Variants in TMEM132B observed in about 807,000 individuals in gnomAD.
TMEM132B encodes transmembrane protein 132B.
Under a neutral mutation model 90.8 loss-of-function variants are expected in TMEM132B, and 18 were observed. That is an observed-to-expected ratio of 0.20 (90% confidence interval 0.14 to 0.29). The LOEUF (loss-of-function observed/expected upper bound fraction) is 0.29. TMEM132B is among the 10% of genes least tolerant of loss of function. The probability of loss-of-function intolerance (pLI) is 1.00; values close to 1 mark genes in which losing one functional copy is unlikely to be tolerated. For synonymous variants in TMEM132B, 504 were observed against 523.3 expected, an observed-to-expected ratio of 0.96 and a Z score of 0.50; for missense variants, 1,096 against 1,326.8, an observed-to-expected ratio of 0.83 and a Z score of 2.70.
chr12:125,637,224 T>A (rs1197250422), intron 5 of TMEM132B, among the ~76,000 whole-genome samples: 1 of 152,208 alleles, frequency 6.6e-6, no homozygotes. Context: ...CCGATTTTTA[T>A]CAGAGAATAA....
At chr12:125,542,473 G>A (rs1414279491) in intron 4 of TMEM132B, among the ~76,000 whole-genome samples, 1 of 152,182 alleles carries the variant, frequency 6.6e-6, no homozygotes, top group Non-Finnish European at 1.5e-5. Flanking sequence ...AACTCAAACT[G>A]TGTACCCATT....
chr12:125,216,088 C>T (rs149166535), intron 1 of TMEM132B, among the ~76,000 whole-genome samples: 271 of 152,328 alleles, frequency 1.8e-3, no homozygotes, highest in Middle Eastern at 3.4e-3. Flanking sequence ...ATTCCATCTG[C>T]CTCCTGTATT....
intron 3 of TMEM132B, among the ~76,000 whole-genome samples, chr12:125,425,585 C>T (rs547683753): frequency 5.3e-5 from 8 of 152,176 alleles, no homozygotes; most frequent in Non-Finnish European, 7.3e-5. Flanking sequence ...AAAACCACCC[C>T]CTGTGCTCTA....
intron 5 of TMEM132B, 77 bp downstream of exon 5, chr12:125,584,071 G>C: frequency 1.1e-5 from 17 of 1,602,366 alleles, no homozygotes; most frequent in Non-Finnish European, 1.5e-5. Context: ...CCAAGGTCTT[G>C]TTCTCACTGA....
intron 3 of TMEM132B, among the ~76,000 whole-genome samples, chr12:125,495,237 G>T (rs1317926366): frequency 2.1e-5 from 2 of 96,994 alleles, no homozygotes; most frequent in African/African-American, 8.4e-5. Context: ...AAATGGCCGT[G>T]TCCGTCCTCC....
At chr12:125,223,813 G>A (rs1459081452) in intron 1 of TMEM132B, among the ~76,000 whole-genome samples, 2 of 151,910 alleles carry the variant, frequency 1.3e-5, no homozygotes, top group East Asian at 1.9e-4. Flanking sequence ...CAGAGACAGA[G>A]TCTTACTCTA....
chr12:125,527,721 C>A (rs972958977), intron 4 of TMEM132B, among the ~76,000 whole-genome samples: 6 of 151,376 alleles, frequency 4.0e-5, no homozygotes, highest in African/African-American at 1.5e-4. Flanking sequence ...CCCATCCACC[C>A]TTCCATCCAC....
chr12:125,530,203 CTG>C (rs1883606940), intron 4 of TMEM132B, among the ~76,000 whole-genome samples: 1 of 151,776 alleles, frequency 6.6e-6, no homozygotes, highest in Non-Finnish European at 1.5e-5. Flanking sequence ...TATCTAAAAA[CTG>C]TTATATTCTG....
chr12:125,393,211 G>A (rs323853), intron 2 of TMEM132B, among the ~76,000 whole-genome samples: 67,850 of 151,982 alleles, frequency 0.45, 16,146 homozygotes, highest in East Asian at 0.88. Context: ...TGCATTTTGG[G>A]TGTTTGATTG....
chr12:125,473,320 A>G (rs1454069584), intron 3 of TMEM132B, among the ~76,000 whole-genome samples: 2 of 152,028 alleles, frequency 1.3e-5, no homozygotes, highest in Non-Finnish European at 2.9e-5. Context: ...ATTTTTCCCA[A>G]GTATCTTCTT....
intron 1 of TMEM132B, among the ~76,000 whole-genome samples, chr12:125,254,644 T>C (rs1346094528): frequency 6.6e-6 from 1 of 151,182 alleles, no homozygotes; most frequent in African/African-American, 2.4e-5. Flanking sequence ...AGGTCCTCTC[T>C]CCTGGGACTT....
intron 3 of TMEM132B, among the ~76,000 whole-genome samples, chr12:125,449,673 A>G (rs1340681616): frequency 7.7e-6 from 1 of 129,620 alleles, no homozygotes; most frequent in East Asian, 2.5e-4. Context: ...AGTGTATCAA[A>G]TTGTGGGGTT....
In TMEM132B at chr12:125,542,438, C is replaced by G. The variant is rs146785201; in HGVS notation, c.1293+22813C>G. On this transcript the variant is annotated intron_variant, in intron 4 of 8. Transcript: ENST00000682704. The stretch of plus-strand genomic sequence containing the variant: ...TTATGCAGCCATCACTACCATCCAT[C>G]TCCAGGACTGTTTTCATCTTACAAA... Among the ~76,000 whole-genome samples the G allele has an allele frequency of 2.0e-3, 305 of 152,336 alleles. 1 individual carries two copies. Among genetic ancestry groups the G allele is most frequent in the African/African-American group, 7.2e-3 (299 of 41,566 alleles).
chr12:125,432,461 G>A (rs529251557), intron 3 of TMEM132B, among the ~76,000 whole-genome samples: 1 of 81,086 alleles, frequency 1.2e-5, no homozygotes, highest in Admixed American at 1.3e-4. Flanking sequence ...ATATGTATGT[G>A]TATATATATG....
chr12:125,578,793 G>T (rs1297661350), intron 4 of TMEM132B, among the ~76,000 whole-genome samples: 2 of 152,150 alleles, frequency 1.3e-5, no homozygotes, highest in Non-Finnish European at 1.5e-5. Context: ...TCCAGTTTCT[G>T]ATAATACAAC....
chr12:125,411,502 T>C lies in TMEM132B; in HGVS notation c.960-4029T>C, dbSNP rs1879838437. On this transcript the variant is annotated intron_variant, in intron 2 of 8. Coordinates refer to ENST00000682704, the MANE Select transcript of TMEM132B (RefSeq NM_001366854.1). ...ACGTTCAGCACATGTACCCCAGAAC[T>C]TAAAGTATAATAATAATAAAAACAA... Among the ~76,000 whole-genome samples the C allele has an allele frequency of 2.6e-5, 4 of 151,858 alleles. No homozygotes were observed. In the South Asian group the frequency reaches 8.3e-4, roughly 32 times the overall value.
intron 4 of TMEM132B, among the ~76,000 whole-genome samples, chr12:125,550,348 T>A (rs1884194327): frequency 1.3e-5 from 2 of 152,226 alleles, no homozygotes. Context: ...ATGGGCTATT[T>A]CTATATTCTG....
rs1883404776 is a variant in TMEM132B at position 125,524,836 on chromosome 12, G to A, written c.1293+5211G>A. Among the ~76,000 whole-genome samples the A allele has an allele frequency of 3.9e-5, 6 of 152,168 alleles. No homozygotes were observed. In the South Asian group the frequency reaches 1.2e-3, roughly 32 times the overall value. ...GTCAGACACAGCCAAAGGGTTTAGG[G>A]TGGGCACAATATGGGTGAAGAGAGA... On this transcript the variant is annotated intron_variant, in intron 4 of 8. Coordinates refer to ENST00000682704, the MANE Select transcript of TMEM132B (RefSeq NM_001366854.1).
chr12:125,364,750 T>C (rs1878073862), intron 2 of TMEM132B, among the ~76,000 whole-genome samples: 1 of 152,104 alleles, frequency 6.6e-6, no homozygotes, highest in Admixed American at 6.5e-5. Flanking sequence ...CTTAGTATTT[T>C]ATATTTTAAT....
Sources: gnomAD v4.1 joint callset for allele counts (sites outside exome capture counted in the v4.1 genomes callset) on GRCh38, gnomAD v4.1.1 for gene constraint, MANE v1.5 for transcripts, NCBI Gene and HGNC (gene_info 2026-07-23, HGNC 2026-07-21) for gene names.